The following ALG5 variants were observed in gnomAD, a reference collection of about 807,000 sequenced individuals.
ALG5 encodes ALG5 dolichyl-phosphate beta-glucosyltransferase, also known as dolichyl-phosphate beta-glucosyltransferase.
ALG5 carries 26 observed loss-of-function variants against 51.8 expected under a neutral mutation model. The ratio of observed to expected loss-of-function variants is 0.50; its 90% CI spans 0.37 to 0.70. ALG5 has a LOEUF of 0.70. Ranked by LOEUF, ALG5 falls within the 30% of genes least tolerant of loss-of-function variation. ALG5 has a pLI of 0.00. For synonymous variants in ALG5, 141 were observed against 136.1 expected (o/e 1.04, Z -0.25); for missense variants, 311 against 399.3 (o/e 0.78, Z 1.88).
intron 6 of ALG5, among the ~76,000 whole-genome samples, chr13:36,979,629 G>A (rs1220532068): frequency 6.6e-6 from 1 of 152,200 alleles, no homozygotes; most frequent in African/African-American, 2.4e-5. Flanking sequence ...TGTGCGTGTA[G>A]TTAAGATCTG....
chr13:36,968,600 G>A (rs1004315329), intron 7 of ALG5, among the ~76,000 whole-genome samples: 1 of 152,176 alleles, frequency 6.6e-6, no homozygotes, highest in African/African-American at 2.4e-5. Flanking sequence ...TCTTCCAAGG[G>A]AGCAGTAAAA....
chr13:36,991,422 G>C (rs1434857412), intron 4 of ALG5, among the ~76,000 whole-genome samples: 1 of 152,150 alleles, frequency 6.6e-6, no homozygotes, highest in Non-Finnish European at 1.5e-5. Context: ...TTTTATTTCT[G>C]GTATCTGGCA....
intron 4 of ALG5, among the ~76,000 whole-genome samples, chr13:36,990,970 T>C (rs2059022882): frequency 6.6e-6 from 1 of 152,306 alleles, no homozygotes; most frequent in South Asian, 2.1e-4. Context: ...GCCTTTCTAA[T>C]ATGGAAATCA....
At chr13:36,977,048 TTC>T (rs1387679604) in intron 6 of ALG5, among the ~76,000 whole-genome samples, 3 of 152,328 alleles carry the variant, frequency 2.0e-5, no homozygotes, top group East Asian at 1.9e-4. Context: ...CCAAAAAACT[TTC>T]TTTTACAAAT....
Position 36,972,054 on chromosome 13 carries a change from G to C in ALG5, c.562-18C>G. 6.4e-7 allele frequency: 1 copy of C among 1,571,164 alleles called. No homozygotes were observed. On this transcript the variant is annotated intron_variant, in intron 6 of 9. Transcript: ENST00000239891. ...ATTTGATTCTGAGGGAAAAAGCAGA[G>C]ATAGTTTTTCAATATTTAAATATCA...
intron 8 of ALG5, among the ~76,000 whole-genome samples, chr13:36,963,473 C>T (rs2058877434): frequency 8.7e-6 from 1 of 115,582 alleles, no homozygotes; most frequent in African/African-American, 3.5e-5. Flanking sequence ...CACAAAGAAC[C>T]TGCATCTCTG....
chr13:36,987,968 CCA>C (rs1432025823), intron 5 of ALG5, among the ~76,000 whole-genome samples: 10 of 152,202 alleles, frequency 6.6e-5, no homozygotes, highest in African/African-American at 2.4e-4. Context: ...AGCCTTATCT[CCA>C]GTCAAGACGT....
intron 6 of ALG5, among the ~76,000 whole-genome samples, chr13:36,985,359 A>C (rs1449378979): frequency 2.6e-5 from 4 of 152,216 alleles, no homozygotes; most frequent in Admixed American, 1.3e-4. Flanking sequence ...TATGCACAAT[A>C]AATATTAAAA....
chr13:36,997,210 T>C (rs1419077289), intron 1 of ALG5, among the ~76,000 whole-genome samples: 1 of 152,066 alleles, frequency 6.6e-6, no homozygotes, highest in Non-Finnish European at 1.5e-5. Context: ...CGGTGGCTCA[T>C]GTCTGTAATC....
chr13:36,995,663 G>A, intron 1 of ALG5, 67 bp from the exon 2 acceptor site: 1 of 1,388,618 alleles, frequency 7.2e-7, no homozygotes, highest in African/African-American at 1.5e-5. Context: ...CTGTATTTAT[G>A]TTAGAATACA....
At chr13:36,952,468 T>G (rs377406870) in intron 9 of ALG5, 46 bp downstream of exon 9, 1 of 1,377,372 alleles carries the variant, frequency 7.3e-7, no homozygotes, top group African/African-American at 1.5e-5. Flanking sequence ...ACTAAACAAC[T>G]GTATTATCTG....
Position 36,957,555 on chromosome 13 carries a change from C to T in ALG5, c.774-4956G>A, listed in dbSNP as rs184908077. Among the ~76,000 whole-genome samples, 12 of 151,796 alleles carry T rather than the reference C, an allele frequency of 7.9e-5. No individual in the cohort carries two copies. In the East Asian group the frequency reaches 1.5e-3, roughly 20 times the overall value. On this transcript the variant is annotated intron_variant, in intron 8 of 9. Coordinates refer to ENST00000239891, the MANE Select transcript of ALG5 (RefSeq NM_013338.5). ...GGAGGCCACAATCCTCAGGAAGAGT[C>T]GAGAAAATGAACGAAACACTCAAAT...
chr13:36,968,224 T>G (rs2058904319), intron 7 of ALG5, among the ~76,000 whole-genome samples: 1 of 152,200 alleles, frequency 6.6e-6, no homozygotes, highest in East Asian at 1.9e-4. Flanking sequence ...GCTTATATGA[T>G]CTTCTGAAAT....
At chr13:36,992,903 T>C (rs956844060) in intron 4 of ALG5, among the ~76,000 whole-genome samples, 2 of 152,130 alleles carry the variant, frequency 1.3e-5, no homozygotes, top group Admixed American at 1.3e-4. Context: ...GTGGGGCCAA[T>C]TGCTAACCCC....
At chr13:36,953,056 C>CA (rs2058825157) in intron 8 of ALG5, among the ~76,000 whole-genome samples, 1 of 152,172 alleles carries the variant, frequency 6.6e-6, no homozygotes, top group South Asian at 2.1e-4. Context: ...CTTCTACCAT[C>CA]AGAGGATCCA....
At chr13:36,990,833 G>A (rs924847941) in intron 4 of ALG5, among the ~76,000 whole-genome samples, 1 of 152,152 alleles carries the variant, frequency 6.6e-6, no homozygotes, top group Non-Finnish European at 1.5e-5. Flanking sequence ...CTCACTGACT[G>A]ATTTGTAAAA....
At chr13:36,985,054 T>C (rs568333400) in intron 6 of ALG5, among the ~76,000 whole-genome samples, 60 of 152,008 alleles carry the variant, frequency 3.9e-4, no homozygotes, top group East Asian at 5.8e-4. Flanking sequence ...CATTCTCTTA[T>C]TCATTTTTTC....
chr13:36,987,978 C>T (rs1019060290), intron 5 of ALG5, among the ~76,000 whole-genome samples: 4 of 152,154 alleles, frequency 2.6e-5, no homozygotes, highest in Non-Finnish European at 5.9e-5. Context: ...CCAGTCAAGA[C>T]GTGGGTACCA....
chr13:36,968,591 C>T (rs1482172766), intron 7 of ALG5, among the ~76,000 whole-genome samples: 1 of 152,198 alleles, frequency 6.6e-6, no homozygotes, highest in East Asian at 1.9e-4. Flanking sequence ...TCATGTTTGT[C>T]TTCCAAGGGA....
Sources: gnomAD v4.1 joint callset for allele counts (sites outside exome capture counted in the v4.1 genomes callset) on GRCh38, gnomAD v4.1.1 for gene constraint, MANE v1.5 for transcripts, NCBI Gene and HGNC (gene_info 2026-07-23, HGNC 2026-07-21) for gene names.